DMD: variants seen among roughly 807,000 people sequenced by gnomAD.
The protein encoded by DMD is mutant dystrophin.
A neutral mutation model predicts 330.1 loss-of-function variants in DMD; 63 were observed. The observed-to-expected ratio is 0.19, with a 90% confidence interval of 0.16 to 0.24. The LOEUF is 0.24. DMD is among the 10% of genes least tolerant of loss of function. The pLI, the probability that DMD is intolerant of heterozygous loss-of-function variation, is 1.00. For missense variants in DMD, 3,344 were observed against 2,684.1 expected (o/e 1.25, Z -5.43); for synonymous variants, 1,223 against 959.8 (o/e 1.27, Z -5.07).
rs5927759 is a variant in DMD, at chrX:31,497,231, A to G, written c.8391-287T>C. 0.4 allele frequency among the ~76,000 whole-genome samples: 44,156 copies of G among 111,043 alleles called. 7,136 individuals are homozygous for G. Among genetic ancestry groups the G allele is most frequent in the African/African-American group, 0.61 (18,697 of 30,504 alleles). On this transcript the variant is annotated intron_variant, in intron 56 of 78. Transcript: ENST00000357033. ...GCTTTTCCATACTGTTGTAGTCAAC[A>G]ATTCTTAATATTTCTGGTAGAAAAA...
intron 2 of DMD, among the ~76,000 whole-genome samples, chrX:33,016,905 G>T (rs901239882): frequency 2.7e-5 from 3 of 111,785 alleles, no homozygotes; most frequent in Non-Finnish European, 3.8e-5. Flanking sequence ...AATCATATTT[G>T]TCATAGAGTA....
chrX:32,091,069 C>T (rs993999163), intron 44 of DMD, among the ~76,000 whole-genome samples: 5 of 112,142 alleles, frequency 4.5e-5, no homozygotes, highest in African/African-American at 6.5e-5. Flanking sequence ...TCAGGCACAG[C>T]GGGAACACAC....
chrX:32,510,280 A>G (rs1038603727), intron 18 of DMD, among the ~76,000 whole-genome samples: 1 of 111,700 alleles, frequency 9.0e-6, no homozygotes, highest in Non-Finnish European at 1.9e-5. Flanking sequence ...CTGCTGTTAC[A>G]CGGCTGTGCA....
At chrX:33,077,678 G>A (rs5971682) in intron 1 of DMD, among the ~76,000 whole-genome samples, 3,193 of 111,677 alleles carry the variant, frequency 0.029, 112 homozygotes, top group African/African-American at 0.098. Flanking sequence ...TATGTGAATA[G>A]CCTACTATAA....
chrX:33,078,796 A>G (rs1193643957), intron 1 of DMD, among the ~76,000 whole-genome samples: 1 of 111,970 alleles, frequency 8.9e-6, no homozygotes, highest in East Asian at 2.8e-4. Flanking sequence ...GCACACAACA[A>G]TTTTACATAA....
At chrX:33,002,612 G>T (rs2093305762) in intron 2 of DMD, among the ~76,000 whole-genome samples, 1 of 110,269 alleles carries the variant, frequency 9.1e-6, no homozygotes, top group Non-Finnish European at 1.9e-5. Flanking sequence ...TTGCACTTCT[G>T]TGCAAAGACT....
intron 1 of DMD, among the ~76,000 whole-genome samples, chrX:33,091,138 A>G (rs1481005540): frequency 9.0e-6 from 1 of 111,645 alleles, no homozygotes; most frequent in Admixed American, 9.6e-5. Context: ...AGGTTTGCAC[A>G]TAAATGTATA....
At chrX:32,957,557 A>C (rs1287683984) in intron 2 of DMD, among the ~76,000 whole-genome samples, 2 of 112,011 alleles carry the variant, frequency 1.8e-5, no homozygotes, top group African/African-American at 6.5e-5. Flanking sequence ...ATCTAGAAAC[A>C]ACTAGGCCAA....
At chrX:32,147,871 TTTC>T (rs1358590109) in intron 44 of DMD, among the ~76,000 whole-genome samples, 14 of 105,631 alleles carry the variant, frequency 1.3e-4, no homozygotes, top group African/African-American at 4.9e-4. Flanking sequence ...CTCAAAAAAA[TTTC>T]TTCTTTTTTT....
chrX:31,180,553 CCTT>C (rs1337503424), intron 68 of DMD, 72 bp from the exon 69 acceptor site: 1 of 693,871 alleles, frequency 1.4e-6, no homozygotes, highest in African/African-American at 2.1e-5. Flanking sequence ...CTTTAATAAA[CCTT>C]CTACCACGTT....
At chrX:33,263,542 A>G (rs2052994876) in intron 1 of DMD, among the ~76,000 whole-genome samples, 1 of 108,656 alleles carries the variant, frequency 9.2e-6, no homozygotes, top group Admixed American at 1.0e-4. Context: ...CTATGGGTTT[A>G]TTCTTTTTAA....
At chrX:31,994,786 C>A (rs1246630865) in intron 44 of DMD, among the ~76,000 whole-genome samples, 1 of 111,964 alleles carries the variant, frequency 8.9e-6, no homozygotes, top group African/African-American at 3.2e-5. Context: ...CTTAGCACTC[C>A]GGATTAATCG....
At chrX:32,594,576 C>A (rs2055305913) in intron 13 of DMD, among the ~76,000 whole-genome samples, 1 of 111,300 alleles carries the variant, frequency 9.0e-6, no homozygotes, top group African/African-American at 3.3e-5. Context: ...CCCTCTCAGT[C>A]CAGTATTAAA....
Position 32,644,122 on chromosome X carries a change from A to G in DMD, c.1331+10T>C, listed in dbSNP as rs746928829. The G allele has an allele frequency of 8.4e-7, 1 of 1,194,006 alleles. No individual in the cohort carries two copies. The highest frequency in any genetic ancestry group is 1.1e-6 in the Non-Finnish European group (1 of 882,909). Reference sequence around the variant, plus strand: ...TTAGTCTTCTTAATTAAAAACAAATAAGGACTTACTTGCTTTGTTTTTCCA... The same window carrying G: ...TTAGTCTTCTTAATTAAAAACAAATGAGGACTTACTTGCTTTGTTTTTCCA... On this transcript the variant is annotated intron_variant, in intron 11 of 78. Coordinates refer to ENST00000357033, the MANE Select transcript of DMD (RefSeq NM_004006.3).
intron 41 of DMD, among the ~76,000 whole-genome samples, chrX:32,322,524 C>T (rs1405098336): frequency 9.1e-6 from 1 of 110,435 alleles, no homozygotes; most frequent in Non-Finnish European, 1.9e-5. Flanking sequence ...GATTGCATCG[C>T]GGCACTCCAG....
intron 17 of DMD, among the ~76,000 whole-genome samples, chrX:32,543,800 G>A (rs2048714159): frequency 9.0e-6 from 1 of 111,242 alleles, no homozygotes; most frequent in Non-Finnish European, 1.9e-5. Context: ...TGGAGCAAGG[G>A]TCGCCAAACT....
At chrX:32,887,684 G>A (rs888841445) in intron 2 of DMD, among the ~76,000 whole-genome samples, 2 of 94,446 alleles carry the variant, frequency 2.1e-5, no homozygotes, top group African/African-American at 7.9e-5. Flanking sequence ...GAAGGTGGAG[G>A]TTGCTGTGAG....
intron 5 of DMD, among the ~76,000 whole-genome samples, chrX:32,819,861 A>G (rs2078079482): frequency 1.8e-5 from 2 of 110,369 alleles, no homozygotes; most frequent in South Asian, 3.8e-4. Context: ...AAAAAAAAAA[A>G]AAAAAGAAAA....
At chrX:31,662,362 T>C (rs1390857667) in intron 53 of DMD, among the ~76,000 whole-genome samples, 1 of 111,440 alleles carries the variant, frequency 9.0e-6, no homozygotes, top group Admixed American at 9.6e-5. Context: ...TCAAACTATA[T>C]TCCCCACAGT....
Sources: gnomAD v4.1 joint callset for allele counts (sites outside exome capture counted in the v4.1 genomes callset) on GRCh38, gnomAD v4.1.1 for gene constraint, MANE v1.5 for transcripts, NCBI Gene and HGNC (gene_info 2026-07-23, HGNC 2026-07-21) for gene names.